Variants in GRID1 observed in about 807,000 individuals in gnomAD.
GRID1 encodes glutamate receptor ionotropic, delta-1.
A neutral mutation model predicts 98.0 loss-of-function variants in GRID1; 28 were observed. The ratio of observed to expected loss-of-function variants is 0.29; its 90% confidence interval spans 0.21 to 0.39. GRID1 has a LOEUF of 0.39. Among genes scored for constraint, GRID1 ranks in the 10% least tolerant of loss-of-function variants. The pLI is 1.00. For synonymous variants in GRID1, 553 were observed against 538.5 expected (o/e 1.03, Z -0.37); for missense variants, 1,111 against 1,340.5 (o/e 0.83, Z 2.67).
At chr10:85,700,249 C>T (rs1232775633) in intron 12 of GRID1, among the ~76,000 whole-genome samples, 3 of 152,166 alleles carry the variant, frequency 2.0e-5, no homozygotes, top group Non-Finnish European at 4.4e-5. Context: ...ATTCTTATCC[C>T]TACATATAGA....
intron 4 of GRID1, among the ~76,000 whole-genome samples, chr10:85,960,089 TG>T (rs1194505766): frequency 6.6e-6 from 1 of 152,108 alleles, no homozygotes; most frequent in Non-Finnish European, 1.5e-5. Flanking sequence ...CACCATTTTT[TG>T]GTAGAGACAG....
chr10:86,087,339 G>A (rs910259213), intron 4 of GRID1, among the ~76,000 whole-genome samples: 1 of 130,434 alleles, frequency 7.7e-6, no homozygotes, highest in Non-Finnish European at 1.5e-5. Context: ...GTTTGAGTGT[G>A]TTTGTGTGTG....
chr10:85,986,144 G>A (rs115565981), intron 4 of GRID1, among the ~76,000 whole-genome samples: 1,668 of 152,326 alleles, frequency 0.011, 39 homozygotes, highest in African/African-American at 0.038. Flanking sequence ...CCAGGTGTTC[G>A]TAACTTACGG....
At chr10:85,934,515 C>T (rs1013227594) in intron 4 of GRID1, among the ~76,000 whole-genome samples, 6 of 151,314 alleles carry the variant, frequency 4.0e-5, no homozygotes. Flanking sequence ...TGGATTGGAG[C>T]CAGAGTCTGG....
chr10:85,648,728 C>T (rs1843228350), intron 12 of GRID1, among the ~76,000 whole-genome samples: 1 of 152,232 alleles, frequency 6.6e-6, no homozygotes, highest in African/African-American at 2.4e-5. Flanking sequence ...TCTAACAACA[C>T]CTCTACAAGC....
chr10:86,230,159 C>T (rs1179630070), intron 2 of GRID1, among the ~76,000 whole-genome samples: 1 of 152,234 alleles, frequency 6.6e-6, no homozygotes, highest in Non-Finnish European at 1.5e-5. Flanking sequence ...CCCAACTTGC[C>T]CCTGCCTCCT....
chr10:86,022,995 G>T (rs1282142374), intron 4 of GRID1, among the ~76,000 whole-genome samples: 1 of 151,944 alleles, frequency 6.6e-6, no homozygotes, highest in Admixed American at 6.6e-5. Flanking sequence ...CCAAACAAGG[G>T]TCATATGTTG....
At chr10:85,791,339 A>T (rs557985987) in intron 8 of GRID1, among the ~76,000 whole-genome samples, 1 of 152,352 alleles carries the variant, frequency 6.6e-6, no homozygotes, top group Non-Finnish European at 1.5e-5. Flanking sequence ...GACTGGCGCA[A>T]TGCAGATCTT....
At chr10:85,743,802 T>C (rs1841972791) in intron 8 of GRID1, among the ~76,000 whole-genome samples, 1 of 152,148 alleles carries the variant, frequency 6.6e-6, no homozygotes, top group Admixed American at 6.6e-5. Flanking sequence ...ATCTATTTAA[T>C]AAACTGGTGA....
At chr10:85,640,309 C>T (rs1326354286) in intron 13 of GRID1, among the ~76,000 whole-genome samples, 1 of 152,200 alleles carries the variant, frequency 6.6e-6, no homozygotes, top group African/African-American at 2.4e-5. Flanking sequence ...ACAAAATCCC[C>T]AATCCATACT....
chr10:86,029,922 G>T (rs1843162930), intron 4 of GRID1, among the ~76,000 whole-genome samples: 1 of 152,022 alleles, frequency 6.6e-6, no homozygotes, highest in African/African-American at 2.4e-5. Context: ...AATTTTAGAG[G>T]GAAATAATCT....
At chr10:85,703,203 C>G (rs1324060516) in intron 12 of GRID1, among the ~76,000 whole-genome samples, 3 of 151,944 alleles carry the variant, frequency 2.0e-5, no homozygotes, top group Admixed American at 2.0e-4. Flanking sequence ...ATAAAGGCAA[C>G]AGAAAATGTT....
intron 2 of GRID1, among the ~76,000 whole-genome samples, chr10:86,212,054 G>A (rs931227736): frequency 1.3e-5 from 2 of 152,212 alleles, no homozygotes; most frequent in Non-Finnish European, 2.9e-5. Context: ...AGACATTGAG[G>A]TCACTCTAGG....
chr10:86,047,882 C>T (rs965084134), intron 4 of GRID1, among the ~76,000 whole-genome samples: 5 of 152,160 alleles, frequency 3.3e-5, no homozygotes, highest in Non-Finnish European at 7.3e-5. Context: ...AGAACTTAGG[C>T]GTAAACTCTG....
chr10:85,653,679 G>A (rs756119993), intron 12 of GRID1, among the ~76,000 whole-genome samples: 1 of 152,192 alleles, frequency 6.6e-6, no homozygotes, highest in South Asian at 2.1e-4. Context: ...TGAAGACTCT[G>A]TCTTGATGAA....
rs547312315 is a variant in GRID1, at chr10:85,876,976, G to A, written c.781-7796C>T. On this transcript the variant is annotated intron_variant, in intron 5 of 15. Coordinates refer to ENST00000327946, the MANE Select transcript of GRID1 (RefSeq NM_017551.3). ...TTATATCCTGCACCTGGCTCGGAGGGTCCTACGCCCACGGAGTCTCGCTGA... is the reference window on the plus strand; with the variant it reads ...TTATATCCTGCACCTGGCTCGGAGGATCCTACGCCCACGGAGTCTCGCTGA... Among the ~76,000 whole-genome samples the A allele has an allele frequency of 3.3e-5, 5 of 152,330 alleles. No homozygotes were observed. In the South Asian group the frequency reaches 8.3e-4, roughly 25 times the overall value.
At chr10:86,232,924 C>T (rs914499925) in intron 2 of GRID1, among the ~76,000 whole-genome samples, 8 of 152,166 alleles carry the variant, frequency 5.3e-5, no homozygotes, top group Non-Finnish European at 7.3e-5. Flanking sequence ...GAAGCAGCCA[C>T]ATTTATGTGG....
intron 5 of GRID1, among the ~76,000 whole-genome samples, chr10:85,871,022 G>A (rs1484120824): frequency 2.6e-5 from 4 of 152,122 alleles, no homozygotes; most frequent in Admixed American, 6.5e-5. Flanking sequence ...ACCCTTCTCT[G>A]TAGCTGTGTG....
At position 85,869,131 on chromosome 10, in the gene GRID1, C is replaced by A; in HGVS notation, c.830G>T (p.Arg277Met). 6.2e-7 allele frequency: 1 copy of A among 1,613,900 alleles called. No homozygotes were observed. Among genetic ancestry groups the A allele is most frequent in the South Asian group, 1.1e-5 (1 of 91,070 alleles). Reference protein sequence around the residue: ...ILDLVHSALGRMTVVRQIFPS... With the variant: ...ILDLVHSALGMMTVVRQIFPS... ...AAAGATTTGCCGGACCACGGTCATC[C>A]TTCCAAGGGCACTATGGACCAGATC... Residue 277 changes from arginine (R) to methionine (M), a missense_variant, in exon 6 of 16, where the codon AGG (arginine) becomes ATG (methionine). Physicochemically the swap from Arg to Met is moderately conservative, Grantham distance 91. Coordinates refer to ENST00000327946, the MANE Select transcript of GRID1 (RefSeq NM_017551.3).
Sources: allele counts gnomAD v4.1 joint callset (sites outside exome capture counted in the v4.1 genomes callset), GRCh38; gene constraint gnomAD v4.1.1; transcripts MANE v1.5; gene names NCBI Gene and HGNC (gene_info 2026-07-23, HGNC 2026-07-21).